SRGAP2B: variants seen among roughly 807,000 people sequenced by gnomAD.
SRGAP2B encodes SLIT-ROBO Rho GTPase-activating protein 2B.
A neutral mutation model predicts 22.2 loss-of-function variants in SRGAP2B; 9 were observed. The observed-to-expected ratio is 0.41, with a 90% confidence interval of 0.24 to 0.71. SRGAP2B has a LOEUF of 0.71. Among genes scored for constraint, SRGAP2B ranks in the 30% least tolerant of loss-of-function variants. The pLI, the probability that SRGAP2B is intolerant of heterozygous loss-of-function variation, is 0.35. For missense variants in SRGAP2B, 114 were observed against 235.8 expected (o/e 0.48, Z 3.38); for synonymous variants, 36 against 87.4 (o/e 0.41, Z 3.28).
chr1:144,925,029 AG>A (rs1272446178), intron 4 of SRGAP2B, among the ~76,000 whole-genome samples: 1 of 148,288 alleles, frequency 6.7e-6, no homozygotes, highest in Non-Finnish European at 1.5e-5. Flanking sequence ...TTTGAGACAG[AG>A]TCTCACTCTA....
chr1:145,085,045 C>A (rs587595348), intron 2 of SRGAP2B, among the ~76,000 whole-genome samples: 1 of 150,970 alleles, frequency 6.6e-6, no homozygotes, highest in African/African-American at 2.5e-5. Context: ...TGGATTCAAG[C>A]GATTCTCCTC....
chr1:144,972,735 G>A lies in SRGAP2B; in HGVS notation c.261-17134C>T, dbSNP rs1346648778. Among the ~76,000 whole-genome samples the A allele has an allele frequency of 8.0e-5, 12 of 149,472 alleles. 1 individual carries two copies. The highest frequency in any genetic ancestry group is 2.3e-4 in the African/African-American group (9 of 39,400). On this transcript the variant is annotated intron_variant, in intron 3 of 9. Coordinates refer to ENST00000612199, the Ensembl canonical transcript of SRGAP2B. ...ACTGTGGGATTCAACCCATTAGTGA[G>A]GTTTAAAAAAAATCAACGTATAGGT...
chr1:145,040,827 C>T (rs1308817951), intron 2 of SRGAP2B, among the ~76,000 whole-genome samples: 2 of 148,094 alleles, frequency 1.4e-5, no homozygotes, highest in African/African-American at 5.1e-5. Context: ...GCTTACGCAC[C>T]GTGCCAAGCC....
intron 2 of SRGAP2B, among the ~76,000 whole-genome samples, chr1:145,016,739 T>C (rs1302955908): frequency 7.2e-6 from 1 of 138,480 alleles, no homozygotes; most frequent in African/African-American, 2.8e-5. Flanking sequence ...TTCTGTAGAA[T>C]TTGTCATGAT....
At chr1:145,089,079 C>T (rs9777964) in intron 2 of SRGAP2B, among the ~76,000 whole-genome samples, 16 of 151,446 alleles carry the variant, frequency 1.1e-4, no homozygotes, top group East Asian at 3.9e-4. Context: ...ATAGGTTATA[C>T]GTAAATACCA....
chr1:145,006,408 C>T (rs1671595802), intron 2 of SRGAP2B, among the ~76,000 whole-genome samples: 1 of 149,894 alleles, frequency 6.7e-6, no homozygotes, highest in Non-Finnish European at 1.5e-5. Context: ...CCCTCCTTCC[C>T]TTTCTCCCCA....
intron 4 of SRGAP2B, among the ~76,000 whole-genome samples, chr1:144,941,586 G>C (rs1399508707): frequency 6.7e-6 from 1 of 149,466 alleles, no homozygotes; most frequent in Non-Finnish European, 1.5e-5. Context: ...AAAACTAAAA[G>C]ACCAGAGAAA....
At chr1:145,076,279 A>T (rs1257144437) in intron 2 of SRGAP2B, among the ~76,000 whole-genome samples, 1 of 149,408 alleles carries the variant, frequency 6.7e-6, no homozygotes, top group Non-Finnish European at 1.5e-5. Flanking sequence ...CTCCTGCCTC[A>T]GCCTCCAGAG....
intron 2 of SRGAP2B, among the ~76,000 whole-genome samples, chr1:145,044,598 A>C (rs1315745408): frequency 8.0e-6 from 1 of 124,244 alleles, no homozygotes; most frequent in Non-Finnish European, 1.6e-5. Flanking sequence ...TGTTGAGTAC[A>C]TGGAGGTTCA....
In SRGAP2B at chr1:145,017,375, TTTTAGAGGAAAAG is replaced by T. The variant is rs1331979855; in HGVS notation, c.68-22188_68-22176del. On this transcript the variant is annotated intron_variant, in intron 2 of 9. Coordinates refer to ENST00000612199, the Ensembl canonical transcript of SRGAP2B. Reference sequence around the variant, plus strand: ...AAAAAATTTTTTGACATTAGAATACTTTTAGAGGAAAAGACACAAAATAACACAATAGCTTGAC... The same window carrying T: ...AAAAAATTTTTTGACATTAGAATACTACACAAAATAACACAATAGCTTGAC... Among the ~76,000 whole-genome samples the T allele has an allele frequency of 1.2e-4, 18 of 145,588 alleles. 1 individual carries two copies. In the East Asian group the frequency reaches 3.6e-3, roughly 29 times the overall value.
intron 3 of SRGAP2B, among the ~76,000 whole-genome samples, chr1:144,993,105 A>C (rs1262580464): frequency 6.6e-6 from 1 of 151,284 alleles, no homozygotes; most frequent in East Asian, 1.9e-4. Context: ...CATAACCTCA[A>C]GTAACAGGAT....
chr1:144,975,868 C>A (rs1315217982), intron 3 of SRGAP2B, among the ~76,000 whole-genome samples: 1 of 27,344 alleles, frequency 3.7e-5, no homozygotes, highest in Non-Finnish European at 5.8e-5. Context: ...GTTAGTAATT[C>A]TTTTTTTTTT....
intron 2 of SRGAP2B, among the ~76,000 whole-genome samples, chr1:145,016,772 T>C (rs1553623199): frequency 6.8e-6 from 1 of 146,166 alleles, no homozygotes; most frequent in Admixed American, 6.8e-5. Flanking sequence ...AAAAAGTTAT[T>C]AGTAATTTTA....
chr1:144,942,260 TTAA>T (rs879978222), intron 4 of SRGAP2B, among the ~76,000 whole-genome samples: 3 of 150,204 alleles, frequency 2.0e-5, no homozygotes, highest in Admixed American at 6.6e-5. Context: ...GCTGTGATTC[TTAA>T]TAATAACAAA....
At chr1:144,920,719 G>A (rs1294692322) in intron 4 of SRGAP2B, among the ~76,000 whole-genome samples, 2 of 149,422 alleles carry the variant, frequency 1.3e-5, no homozygotes, top group Admixed American at 6.7e-5. Flanking sequence ...TTTTTATATT[G>A]GTCATAACTC....
At chr1:144,930,587 A>T (rs1187375080) in intron 4 of SRGAP2B, among the ~76,000 whole-genome samples, 1 of 150,444 alleles carries the variant, frequency 6.6e-6, no homozygotes, top group East Asian at 1.9e-4. Context: ...TCTGAGAAAG[A>T]TTTGGGCATC....
At chr1:144,992,385 T>C (rs1670318569) in intron 3 of SRGAP2B, among the ~76,000 whole-genome samples, 1 of 150,952 alleles carries the variant, frequency 6.6e-6, no homozygotes, top group Admixed American at 6.6e-5. Context: ...AACAAATACG[T>C]CCATAAGCTG....
intron 2 of SRGAP2B, among the ~76,000 whole-genome samples, chr1:145,080,901 G>A (rs1322203061): frequency 6.7e-6 from 1 of 149,442 alleles, no homozygotes; most frequent in Non-Finnish European, 1.5e-5. Context: ...CTGAAAGCTG[G>A]AAGGACCTTA....
At chr1:144,953,921 A>C (rs1459311723) in intron 4 of SRGAP2B, among the ~76,000 whole-genome samples, 1 of 148,002 alleles carries the variant, frequency 6.8e-6, no homozygotes, top group African/African-American at 2.6e-5. Flanking sequence ...AGTGGCTGTC[A>C]AGGTCATAGA....
Sources: gnomAD v4.1 joint callset for allele counts (sites outside exome capture counted in the v4.1 genomes callset) on GRCh38, gnomAD v4.1.1 for gene constraint, MANE v1.5 for transcripts, NCBI Gene and HGNC (gene_info 2026-07-23, HGNC 2026-07-21) for gene names.